Variants in NPAT observed in about 807,000 individuals in gnomAD.
NPAT encodes nuclear protein, coactivator of histone transcription.
NPAT carries 52 observed loss-of-function variants against 130.7 expected under a neutral mutation model. The ratio of observed to expected loss-of-function variants is 0.40; its 90% CI spans 0.32 to 0.50. The LOEUF is 0.50. NPAT is among the 20% of genes least tolerant of loss of function. NPAT has a pLI of 0.68. For missense variants in NPAT, 1,687 were observed against 1,662.6 expected, an observed-to-expected ratio of 1.01 and a Z score of -0.26; for synonymous variants, 580 against 584.8, an observed-to-expected ratio of 0.99 and a Z score of 0.12.
intron 3 of NPAT, among the ~76,000 whole-genome samples, chr11:108,192,879 G>A (rs1362995076): frequency 6.6e-6 from 1 of 152,120 alleles, no homozygotes; most frequent in Admixed American, 6.5e-5. Context: ...GCTTGAACCC[G>A]GGAGACGGAG....
At chr11:108,192,761 C>T (rs1288562716) in intron 3 of NPAT, among the ~76,000 whole-genome samples, 1 of 152,172 alleles carries the variant, frequency 6.6e-6, no homozygotes, top group Non-Finnish European at 1.5e-5. Context: ...TGAGACCAAC[C>T]TGGCCAACAT....
Position 108,173,095 on chromosome 11 carries a change from G to A in NPAT, c.1889C>T (p.Ser630Phe). Residue 630 changes from serine (S) to phenylalanine (F), a missense_variant, in exon 13 of 18, where the codon TCT becomes TTT. Ser to Phe is a radical substitution (Grantham distance 155). Around this residue, in one of 3 missense-constraint regions of NPAT, gnomAD observed 1,379 missense variants for 1,346.6 expected, o/e 1.02. Coordinates refer to ENST00000278612, the MANE Select transcript of NPAT (RefSeq NM_002519.3). ...ATCATTAGATGGTTGTTTAGTAGAA[G>A]ACAGCGAATCTCCAAGATGAATTTC... ...QVEIHLGDSLSSTKQPSNDSA... is the reference protein window; with the variant it reads ...QVEIHLGDSLFSTKQPSNDSA... 1 of 1,614,054 alleles carries A rather than the reference G, an allele frequency of 6.2e-7. No homozygotes were observed. The highest frequency in any genetic ancestry group is 8.5e-7 in the Non-Finnish European group (1 of 1,179,996).
chr11:108,170,334 C>T (rs897970906), intron 13 of NPAT: 13 of 377,838 alleles, frequency 3.4e-5, no homozygotes, highest in Non-Finnish European at 5.5e-5. Context: ...TAAGACTCTA[C>T]AGCCAAGACA....
chr11:108,177,150 TTATA>T (rs994328237), intron 10 of NPAT, 60 bp from the exon 11 acceptor site: 2 of 748,202 alleles, frequency 2.7e-6, no homozygotes, highest in African/African-American at 3.6e-5. Context: ...TATTTACATA[TTATA>T]TATATATAAG....
At chr11:108,162,265 G>T in intron 15 of NPAT, 85 bp from the exon 16 acceptor site, 1 of 1,280,342 alleles carries the variant, frequency 7.8e-7, no homozygotes, top group Non-Finnish European at 1.1e-6. Context: ...CACATATCAT[G>T]AGAAAAAATT....
At chr11:108,193,019 T>G (rs574438267) in intron 3 of NPAT, among the ~76,000 whole-genome samples, 37 of 152,226 alleles carry the variant, frequency 2.4e-4, no homozygotes, top group Non-Finnish European at 4.3e-4. Context: ...CGTAGCACAA[T>G]GCTTATACAC....
At chr11:108,216,763 AAG>A (rs2078439144) in intron 1 of NPAT, among the ~76,000 whole-genome samples, 1 of 152,210 alleles carries the variant, frequency 6.6e-6, no homozygotes, top group Non-Finnish European at 1.5e-5. Flanking sequence ...ATAAGTGTTT[AAG>A]TTATAATGTA....
intron 17 of NPAT, 99 bp downstream of exon 17, chr11:108,160,780 TA>T: frequency 9.6e-7 from 1 of 1,043,540 alleles, no homozygotes; most frequent in Non-Finnish European, 1.4e-6. Flanking sequence ...GTCTTAGCCA[TA>T]ACGTTCAGTC....
chr11:108,174,501 C>A (rs2077985021), intron 12 of NPAT, among the ~76,000 whole-genome samples: 1 of 123,978 alleles, frequency 8.1e-6, no homozygotes. Flanking sequence ...AAAACTGTAA[C>A]AGCATAGGAA....
intron 15 of NPAT, 39 bp downstream of exon 15, chr11:108,169,705 C>G (rs1011323760): frequency 1.4e-6 from 2 of 1,385,988 alleles, no homozygotes; most frequent in Non-Finnish European, 2.1e-6. Context: ...AATGAACATA[C>G]AAACATAAAG....
At chr11:108,222,058 C>A in intron 1 of NPAT, among the ~76,000 whole-genome samples, 1 of 152,120 alleles carries the variant, frequency 6.6e-6, no homozygotes, top group Non-Finnish European at 1.5e-5. Context: ...ATTAGAAGGG[C>A]GCCAGGAAGG....
At chr11:108,214,958 G>A (rs11821820) in intron 1 of NPAT, among the ~76,000 whole-genome samples, 2 of 152,138 alleles carry the variant, frequency 1.3e-5, no homozygotes, top group Admixed American at 6.6e-5. Context: ...TTAATGTGTC[G>A]TATGAGGTTC....
intron 1 of NPAT, among the ~76,000 whole-genome samples, chr11:108,217,944 G>A (rs1433181695): frequency 6.6e-6 from 1 of 152,152 alleles, no homozygotes; most frequent in Non-Finnish European, 1.5e-5. Context: ...AGTAAGCCAA[G>A]ATCTCACTGC....
chr11:108,193,594 G>A (rs137855333), intron 3 of NPAT, among the ~76,000 whole-genome samples: 91 of 152,146 alleles, frequency 6.0e-4, no homozygotes, highest in African/African-American at 1.9e-3. Context: ...GCATGGTGGC[G>A]CATGCCTGTA....
At chr11:108,160,082 G>A (rs565531350) in intron 17 of NPAT, among the ~76,000 whole-genome samples, 15 of 151,822 alleles carry the variant, frequency 9.9e-5, no homozygotes, top group African/African-American at 2.7e-4. Flanking sequence ...CTCAGGAGGC[G>A]GAAGTTGCAG....
chr11:108,197,498 G>T, intron 1 of NPAT, 78 bp from the exon 2 acceptor site: 3 of 920,026 alleles, frequency 3.3e-6, no homozygotes, highest in East Asian at 4.8e-5. Context: ...AAATGCTGTA[G>T]CATGTACTGA....
At position 108,186,508 on chromosome 11, in the gene NPAT, C is replaced by A. The variant is rs2078109439; in HGVS notation, c.700G>T (p.Asp234Tyr). Residue 234 changes from aspartate to tyrosine, a missense_variant, in exon 8 of 18, where the codon GAT becomes TAT. Asp to Tyr is a radical substitution (Grantham distance 160, BLOSUM62 -3). This residue lies in a region of NPAT where 307 missense variants were observed against 298.9 expected (regional missense o/e 1.03). Coordinates refer to ENST00000278612, the MANE Select transcript of NPAT (RefSeq NM_002519.3). ...TTTTCTACTGCAAAAGCGTTTGGATCTTGGAAATTCCGTATTGTTGAATGA... is the reference window on the plus strand; with the variant it reads ...TTTTCTACTGCAAAAGCGTTTGGATATTGGAAATTCCGTATTGTTGAATGA... ...GPHSTIRNFQ[D>Y]PNAFAVEKQM... The A allele has an allele frequency of 6.2e-7, 1 of 1,613,910 alleles. No individual in the cohort carries two copies. The highest frequency in any genetic ancestry group is 8.5e-7 in the Non-Finnish European group (1 of 1,179,982).
intron 17 of NPAT, among the ~76,000 whole-genome samples, chr11:108,159,661 AT>A (rs767140688): frequency 1.3e-5 from 2 of 150,102 alleles, no homozygotes; most frequent in Non-Finnish European, 2.9e-5. Flanking sequence ...AAATAAATGG[AT>A]TTCATTTATC....
At chr11:108,219,346 C>T (rs114108417) in intron 1 of NPAT, among the ~76,000 whole-genome samples, 1 of 152,202 alleles carries the variant, frequency 6.6e-6, no homozygotes, top group Non-Finnish European at 1.5e-5. Context: ...TTCTCATTAG[C>T]ATAGTGGCTT....
Sources: allele counts gnomAD v4.1 joint callset (sites outside exome capture counted in the v4.1 genomes callset), GRCh38; gene constraint gnomAD v4.1.1; regional missense constraint gnomAD v4.1.1; transcripts MANE v1.5; gene names NCBI Gene and HGNC (gene_info 2026-07-23, HGNC 2026-07-21).